Variants in LRPPRC observed in about 807,000 individuals in gnomAD.
LRPPRC encodes leucine-rich PPR motif-containing protein, mitochondrial.
Under a neutral mutation model 180.3 loss-of-function variants are expected in LRPPRC, and 120 were observed. The observed-to-expected ratio is 0.67, with a 90% CI of 0.57 to 0.77. The LOEUF is 0.77. Among genes scored for constraint, LRPPRC ranks in the 30% least tolerant of loss-of-function variants. LRPPRC has a pLI of 0.00. For missense variants in LRPPRC, 2,012 were observed against 1,657.2 expected (o/e 1.21, Z -3.72); for synonymous variants, 723 against 600.0 (o/e 1.21, Z -3.00).
chr2:43,898,493 A>G (rs951532330), intron 34 of LRPPRC, among the ~76,000 whole-genome samples: 1 of 152,214 alleles, frequency 6.6e-6, no homozygotes, highest in African/African-American at 2.4e-5. Flanking sequence ...CCTGCTGGGA[A>G]GGGGCTCCCC....
rs144285550 is a variant in LRPPRC, at chr2:43,899,257, C to T, written c.3787G>A (p.Asp1263Asn). ...CTGGCATCATCCACCTTGCCTGCAT[C>T]CACAAGTTGAAGGAAAAAATCAGTG... is the stretch of plus-strand genomic sequence containing the variant. Reference protein sequence around the residue: ...PVTDFFLQLVDAGKVDDARAL... With the variant: ...PVTDFFLQLVNAGKVDDARAL... Residue 1263 changes from aspartate (D) to asparagine (N), a missense_variant, in exon 34 of 38, where the codon GAT becomes AAT. Transcript: ENST00000260665. The T allele has an allele frequency of 1.9e-6, 3 of 1,614,090 alleles. No homozygotes were observed. The highest frequency in any genetic ancestry group is 2.2e-5 in the East Asian group (1 of 44,882).
rs368565167 is a variant in LRPPRC, at chr2:43,995,770, T to C, written c.149+29A>G. 1.1e-3 allele frequency: 1,492 copies of C among 1,348,544 alleles called. 15 individuals carry two copies. In the African/African-American group the frequency reaches 0.021, roughly 19 times the overall value. The allele number at this position is 1,348,544 out of a possible 1,614,324, so 83.5% of individuals were successfully genotyped here. ...CCCCGGGGGACCCTGGCGCCGCAGC[T>C]TGCCTGGAGAAAGGGCCTGGGCACT... On this transcript the variant is annotated intron_variant, in intron 1 of 37. Coordinates refer to ENST00000260665, the MANE Select transcript of LRPPRC (RefSeq NM_133259.4).
rs150945248 is a variant in LRPPRC at position 43,895,574 on chromosome 2, G to C, written c.3901-945C>G. Among the ~76,000 whole-genome samples the C allele has an allele frequency of 9.2e-5, 14 of 152,300 alleles. No individual in the cohort carries two copies. In the East Asian group the frequency reaches 2.7e-3, roughly 29 times the overall value. On this transcript the variant is annotated intron_variant, in intron 35 of 37. Coordinates refer to ENST00000260665, the MANE Select transcript of LRPPRC (RefSeq NM_133259.4). ...TATAAAAACACAGCCTCTCTGAAAG[G>C]AAAGAAGGGGCAATTAAATATTTTC...
chr2:43,934,674 G>T, intron 24 of LRPPRC, 80 bp downstream of exon 24: 1 of 1,295,736 alleles, frequency 7.7e-7, no homozygotes, highest in Non-Finnish European at 1.1e-6. Flanking sequence ...CCTTCTGCTG[G>T]TTTCTCTTAA....
rs148433846 is a variant in LRPPRC, at chr2:43,957,034, G to A, written c.1649+351C>T. Among the ~76,000 whole-genome samples the A allele has an allele frequency of 5.9e-5, 9 of 152,326 alleles. No homozygotes were observed. In the East Asian group the frequency reaches 1.7e-3, roughly 29 times the overall value. ...CTCTGAGCACACAGAAGGGGAGAAT[G>A]ATACTTTACTGAATAAAAGTCACCT... is the stretch of plus-strand genomic sequence containing the variant. On this transcript the variant is annotated intron_variant, in intron 14 of 37. Transcript: ENST00000260665.
intron 6 of LRPPRC, among the ~76,000 whole-genome samples, chr2:43,975,763 T>C (rs912510035): frequency 1.3e-5 from 2 of 151,880 alleles, no homozygotes; most frequent in Admixed American, 1.3e-4. Flanking sequence ...TTTATATTTT[T>C]GTAGAGACCG....
chr2:43,890,025 TC>T (rs967759956), intron 36 of LRPPRC, 149 bp from the exon 37 acceptor site: 10 of 654,902 alleles, frequency 1.5e-5, no homozygotes, highest in Non-Finnish European at 2.8e-5. Flanking sequence ...ACATTCAGAA[TC>T]TACCATCTCC....
At chr2:43,916,320 A>T (rs1483466188) in intron 29 of LRPPRC, among the ~76,000 whole-genome samples, 2 of 152,200 alleles carry the variant, frequency 1.3e-5, no homozygotes, top group Non-Finnish European at 2.9e-5. Flanking sequence ...ACAGTATAAG[A>T]AGTCTAAGTA....
intron 1 of LRPPRC, among the ~76,000 whole-genome samples, chr2:43,993,415 T>C (rs1674873482): frequency 6.6e-6 from 1 of 152,096 alleles, no homozygotes; most frequent in African/African-American, 2.4e-5. Context: ...AAAAAATCAA[T>C]AAGATAATAA....
intron 1 of LRPPRC, among the ~76,000 whole-genome samples, chr2:43,988,028 G>T (rs1030484000): frequency 1.3e-5 from 2 of 152,056 alleles, no homozygotes; most frequent in Non-Finnish European, 2.9e-5. Context: ...CAGATCACTT[G>T]AAGTCCGTTC....
chr2:43,981,381 C>G (rs1299218604), intron 2 of LRPPRC, among the ~76,000 whole-genome samples: 1 of 151,922 alleles, frequency 6.6e-6, no homozygotes, highest in Admixed American at 6.6e-5. Context: ...AACATCTAGA[C>G]CAGGTATGGT....
At chr2:43,949,903 C>G (rs539679939) in intron 15 of LRPPRC, among the ~76,000 whole-genome samples, 1 of 152,174 alleles carries the variant, frequency 6.6e-6, no homozygotes, top group Non-Finnish European at 1.5e-5. Context: ...AAATGTCACA[C>G]AGAAAGACTC....
chr2:43,962,850 T>G (rs186432191), intron 12 of LRPPRC, among the ~76,000 whole-genome samples: 43 of 152,322 alleles, frequency 2.8e-4, no homozygotes, highest in African/African-American at 1.0e-3. Context: ...CATGTGCCTA[T>G]AATCCCAGCT....
chr2:43,973,578 T>A, intron 11 of LRPPRC, 29 bp downstream of exon 11: 3 of 1,443,848 alleles, frequency 2.1e-6, no homozygotes, highest in Non-Finnish European at 2.0e-6. Context: ...CTGGGAACCA[T>A]TACAAATCGG....
At chr2:43,937,934 T>A (rs1672333134) in intron 23 of LRPPRC, among the ~76,000 whole-genome samples, 2 of 152,208 alleles carry the variant, frequency 1.3e-5, no homozygotes, top group South Asian at 4.1e-4. Flanking sequence ...CAAAGTGATC[T>A]GTGAATTTCT....
At chr2:43,988,705 AT>A (rs920698107) in intron 1 of LRPPRC, among the ~76,000 whole-genome samples, 1 of 151,654 alleles carries the variant, frequency 6.6e-6, no homozygotes, top group African/African-American at 2.4e-5. Flanking sequence ...CGCCCAGCTA[AT>A]TTTTTTGTTA....
At chr2:43,947,152 A>G in intron 20 of LRPPRC, 105 bp downstream of exon 20, 1 of 622,558 alleles carries the variant, frequency 1.6e-6, no homozygotes, top group South Asian at 2.0e-5. Context: ...CAAGCCTGAC[A>G]TATAACGATC....
intron 1 of LRPPRC, among the ~76,000 whole-genome samples, chr2:43,988,577 C>T (rs180968723): frequency 2.0e-4 from 30 of 152,062 alleles, no homozygotes; most frequent in Non-Finnish European, 4.0e-4. Context: ...TAAACAATAG[C>T]TGTCTTATTA....
chr2:43,946,733 A>G (rs1672694707), intron 20 of LRPPRC, among the ~76,000 whole-genome samples: 1 of 152,080 alleles, frequency 6.6e-6, no homozygotes, highest in African/African-American at 2.4e-5. Context: ...TTATGGCTCA[A>G]TTATATTGAA....
Sources: gnomAD v4.1 joint callset for allele counts (sites outside exome capture counted in the v4.1 genomes callset) on GRCh38, gnomAD v4.1.1 for gene constraint, MANE v1.5 for transcripts, NCBI Gene and HGNC (gene_info 2026-07-23, HGNC 2026-07-21) for gene names.